Variants in WWP2 observed in about 807,000 individuals in gnomAD.
WWP2 encodes the protein WW domain containing E3 ubiquitin protein ligase 2, also known as NEDD4-like E3 ubiquitin-protein ligase WWP2.
WWP2 carries 57 observed loss-of-function variants against 121.0 expected under a neutral mutation model. That is an observed-to-expected ratio of 0.47 (90% CI 0.38 to 0.59). WWP2 has a LOEUF of 0.59. Among genes scored for constraint, WWP2 ranks in the 20% least tolerant of loss-of-function variants. The pLI is 0.00. For missense variants in WWP2, 962 were observed against 1,158.9 expected, an observed-to-expected ratio of 0.83 and a Z score of 2.47; for synonymous variants, 449 against 441.3, an observed-to-expected ratio of 1.02 and a Z score of -0.22.
chr16:69,886,081 A>G (rs2057918968), intron 7 of WWP2, among the ~76,000 whole-genome samples: 1 of 152,134 alleles, frequency 6.6e-6, no homozygotes. Context: ...AACAGTAGCC[A>G]TTGATTGGTT....
Position 69,937,554 on chromosome 16 carries a change from C to G in WWP2, c.2245C>G (p.Leu749Val). ...YFDEKELELM[L>V]CGMQEIDMSD... Reference sequence around the variant, plus strand: ...GACTGCCGCCTCTCCCCAGCTGATGCTGTGCGGCATGCAGGAGATAGACAT... The same window carrying G: ...GACTGCCGCCTCTCCCCAGCTGATGGTGTGCGGCATGCAGGAGATAGACAT... The change falls in exon 21 of 24, where the codon CTG becomes GTG. Residue 749 changes from leucine (L) to valine (V), a missense_variant. By Grantham distance (32) the Leu-to-Val change is conservative. Around this residue, in one of 3 missense-constraint regions of WWP2, gnomAD observed 606 missense variants for 772.6 expected, o/e 0.78. Transcript: ENST00000359154. The surrounding 1 kb of genome is among the most constrained non-coding windows in gnomAD (Gnocchi z 6.6). The G allele has an allele frequency of 1.2e-6, 2 of 1,613,964 alleles. No individual in the cohort carries two copies. Among genetic ancestry groups the G allele is most frequent in the South Asian group, 2.2e-5 (2 of 91,066 alleles).
At chr16:69,783,440 G>T (rs2055708250) in intron 1 of WWP2, among the ~76,000 whole-genome samples, 2 of 152,092 alleles carry the variant, frequency 1.3e-5, no homozygotes, top group South Asian at 4.1e-4. Context: ...GGAGGCTGAG[G>T]CAGGGAGATA....
chr16:69,782,188 C>A (rs1255083762), intron 1 of WWP2, among the ~76,000 whole-genome samples: 2 of 152,122 alleles, frequency 1.3e-5, no homozygotes, highest in Non-Finnish European at 2.9e-5. Flanking sequence ...GAGGCTGAGG[C>A]AGGAGAATCT....
intron 4 of WWP2, chr16:69,827,990 C>A: frequency 2.3e-6 from 1 of 442,198 alleles, no homozygotes; most frequent in East Asian, 7.0e-5. Context: ...ACAGCTGGTT[C>A]CCGAGACTCC....
chr16:69,890,935 A>T (rs574035936), intron 8 of WWP2: 1 of 152,190 alleles, frequency 6.6e-6, no homozygotes, highest in Non-Finnish European at 1.5e-5. Flanking sequence ...TGAGGGCCAC[A>T]TGTGGGCCTG....
chr16:69,894,691 C>T (rs943269757), intron 8 of WWP2, among the ~76,000 whole-genome samples: 5 of 152,206 alleles, frequency 3.3e-5, no homozygotes, highest in Non-Finnish European at 7.3e-5. Flanking sequence ...CAATGGGAAG[C>T]GAGGCTGCTT....
intron 11 of WWP2, among the ~76,000 whole-genome samples, chr16:69,927,616 A>C (rs2058657842): frequency 6.6e-6 from 1 of 152,182 alleles, no homozygotes; most frequent in Admixed American, 6.5e-5. Context: ...CGCTGGACAG[A>C]TCCCCCTGGC....
chr16:69,930,282 G>A (rs2058693742), intron 13 of WWP2, 24 bp downstream of exon 13: 1 of 1,611,382 alleles, frequency 6.2e-7, no homozygotes, highest in Admixed American at 1.7e-5. Flanking sequence ...GCAGGTAGCA[G>A]CAGTGTCAGG....
intron 6 of WWP2, among the ~76,000 whole-genome samples, chr16:69,851,473 A>T (rs1265987770): frequency 6.6e-6 from 1 of 152,056 alleles, no homozygotes; most frequent in East Asian, 1.9e-4. Flanking sequence ...TCACTTAGTA[A>T]TTGGGATTTA....
rs147344610 is a variant in WWP2, at chr16:69,885,988, C to T, written c.704-2051C>T. Among the ~76,000 whole-genome samples the T allele has an allele frequency of 2.6e-5, 4 of 152,204 alleles. No homozygotes were observed. The East Asian group carries it at 7.7e-4, about 29-fold the overall frequency. ...GTAGATGATATCTCGAAGAGGGCAGCCAGATGATCGGGAAAGGGGGGTTGC... is the reference window on the plus strand; with the variant it reads ...GTAGATGATATCTCGAAGAGGGCAGTCAGATGATCGGGAAAGGGGGGTTGC... On this transcript the variant is annotated intron_variant, in intron 7 of 23. Transcript: ENST00000359154.
At chr16:69,797,678 C>A (rs1243561497) in intron 2 of WWP2, among the ~76,000 whole-genome samples, 1 of 150,954 alleles carries the variant, frequency 6.6e-6, no homozygotes, top group African/African-American at 2.4e-5. Context: ...CATCTGAGGT[C>A]AGGAGTTTGA....
chr16:69,768,425 A>G (rs2055346254), intron 1 of WWP2, among the ~76,000 whole-genome samples: 1 of 152,092 alleles, frequency 6.6e-6, no homozygotes, highest in African/African-American at 2.4e-5. Context: ...CCTGGCCAAC[A>G]TGGAGAAACC....
intron 6 of WWP2, among the ~76,000 whole-genome samples, chr16:69,858,473 C>T (rs1193369741): frequency 6.6e-6 from 1 of 152,116 alleles, no homozygotes; most frequent in Non-Finnish European, 1.5e-5. Flanking sequence ...CGCCTTGACT[C>T]CTGAGATGCG....
At chr16:69,859,262 G>C (rs1240158987) in intron 6 of WWP2, among the ~76,000 whole-genome samples, 2 of 152,134 alleles carry the variant, frequency 1.3e-5, no homozygotes, top group Non-Finnish European at 2.9e-5. Context: ...CATATCAAAG[G>C]TCATTCAGGG....
At chr16:69,919,748 T>G (rs1323469539) in intron 10 of WWP2, among the ~76,000 whole-genome samples, 4 of 151,480 alleles carry the variant, frequency 2.6e-5, no homozygotes, top group Admixed American at 2.6e-4. Flanking sequence ...GATATGATGG[T>G]GCATTGCAGG....
chr16:69,864,293 A>T (rs1270904665), intron 6 of WWP2, among the ~76,000 whole-genome samples: 4 of 152,026 alleles, frequency 2.6e-5, no homozygotes, highest in Non-Finnish European at 5.9e-5. Context: ...GCAGGAGCCC[A>T]GGAGGCTGCA....
chr16:69,845,840 A>T (rs748779753), intron 6 of WWP2, among the ~76,000 whole-genome samples: 1 of 151,894 alleles, frequency 6.6e-6, no homozygotes, highest in Non-Finnish European at 1.5e-5. Context: ...ACTTGAGGTC[A>T]GGAGTTTGAG....
At chr16:69,858,428 C>G (rs1438220076) in intron 6 of WWP2, among the ~76,000 whole-genome samples, 1 of 152,128 alleles carries the variant, frequency 6.6e-6, no homozygotes. Context: ...GCCAAAACTT[C>G]TGGGTGGGTC....
intron 2 of WWP2, among the ~76,000 whole-genome samples, chr16:69,788,902 G>A (rs572176870): frequency 6.6e-6 from 1 of 152,284 alleles, no homozygotes; most frequent in East Asian, 1.9e-4. Context: ...CATCACAGAT[G>A]GGAGAGTGGC....
Sources: gnomAD v4.1 joint callset for allele counts (sites outside exome capture counted in the v4.1 genomes callset) on GRCh38, gnomAD v4.1.1 for gene constraint, gnomAD v4.1.1 regional missense constraint, Gnocchi (gnomAD v3.1) non-coding constraint, MANE v1.5 for transcripts, NCBI Gene and HGNC (gene_info 2026-07-23, HGNC 2026-07-21) for gene names.